The following ANGEL1 variants were observed in gnomAD, a reference collection of about 807,000 sequenced individuals.
ANGEL1 encodes the protein RNA 2',3'-cyclic phosphatase ANGEL1.
ANGEL1 carries 62 observed loss-of-function variants against 76.4 expected under a neutral mutation model. That is an observed-to-expected ratio of 0.81 (90% CI 0.66 to 1.00). The LOEUF (loss-of-function observed/expected upper bound fraction) is 1.00. Ranked by LOEUF, ANGEL1 falls within the 50% of genes least tolerant of loss-of-function variation. The pLI is 0.00. For synonymous variants in ANGEL1, 340 were observed against 331.7 expected (o/e 1.03, Z -0.27); for missense variants, 737 against 836.7 (o/e 0.88, Z 1.47).
chr14:76,792,300 C>T (rs1240558032), intron 7 of ANGEL1, among the ~76,000 whole-genome samples: 3 of 152,116 alleles, frequency 2.0e-5, no homozygotes, highest in African/African-American at 7.2e-5. Context: ...GGCTCAATGG[C>T]TTCACTGGTG....
At chr14:76,797,372 G>A (rs771162732) in intron 7 of ANGEL1, among the ~76,000 whole-genome samples, 2 of 152,160 alleles carry the variant, frequency 1.3e-5, no homozygotes, top group African/African-American at 2.4e-5. Flanking sequence ...GGCCGAAGCC[G>A]GGGGATCACT....
At chr14:76,794,947 AC>A (rs1364545589) in intron 7 of ANGEL1, among the ~76,000 whole-genome samples, 1 of 151,942 alleles carries the variant, frequency 6.6e-6, no homozygotes, top group Non-Finnish European at 1.5e-5. Flanking sequence ...GTAATAATTT[AC>A]CCCCTCCTTT....
At chr14:76,801,757 C>A (rs1028069350) in intron 7 of ANGEL1, among the ~76,000 whole-genome samples, 1 of 152,066 alleles carries the variant, frequency 6.6e-6, no homozygotes, top group Non-Finnish European at 1.5e-5. Flanking sequence ...TATTCCACTT[C>A]TTTTCTGAGC....
intron 1 of ANGEL1, among the ~76,000 whole-genome samples, chr14:76,811,533 G>T (rs1270860065): frequency 2.3e-5 from 3 of 129,446 alleles, no homozygotes; most frequent in Admixed American, 8.1e-5. Flanking sequence ...GGGCGGGGGG[G>T]GCCCTCCTCT....
rs1023164373 is a variant in ANGEL1 at position 76,804,274 on chromosome 14, A to T, written c.1381-362T>A. On this transcript the variant is annotated intron_variant, in intron 5 of 9. Coordinates refer to ENST00000251089, the MANE Select transcript of ANGEL1 (RefSeq NM_015305.4). The stretch of plus-strand genomic sequence containing the variant: ...TTTAAGTTGCAATGGTTAAAGGTTT[A>T]TCCTCATCTTTGGATCTTCTGGATC... 6 of 1,286,306 alleles carry T rather than the reference A, an allele frequency of 4.7e-6. No individual in the cohort carries two copies. In the African/African-American group the frequency reaches 9.1e-5, roughly 20 times the overall value. The allele number at this position is 1,286,306 out of a possible 1,614,324, so 79.7% of individuals were successfully genotyped here. A position where few individuals can be genotyped will look rare whatever the true frequency, so the allele number is the denominator to read the frequency against.
Position 76,812,859 on chromosome 14 carries a change from A to G in ANGEL1, c.-32T>C, listed in dbSNP as rs1227492225. The G allele has an allele frequency of 1.5e-5, 22 of 1,491,526 alleles. No individual in the cohort carries two copies. The highest frequency in any genetic ancestry group is 2.0e-5 in the Non-Finnish European group (22 of 1,123,006). 92.4% of individuals were successfully genotyped at this position (1,491,526 alleles called of 1,614,324 possible). On this transcript the variant is annotated 5_prime_UTR_variant, in exon 1 of 10. Transcript: ENST00000251089. ...CCGCCCGCGCCCGCCTCCGCTCCTC[A>G]CTGCAGCCAGCAGGTCCTCCCTCAG...
intron 7 of ANGEL1, among the ~76,000 whole-genome samples, chr14:76,798,989 A>C (rs1324148939): frequency 6.6e-6 from 1 of 151,840 alleles, no homozygotes; most frequent in Non-Finnish European, 1.5e-5. Context: ...AAATAGTAAG[A>C]ATCACAATGT....
At chr14:76,805,365 T>A (rs1894888160) in intron 5 of ANGEL1, among the ~76,000 whole-genome samples, 1 of 152,252 alleles carries the variant, frequency 6.6e-6, no homozygotes. Context: ...GTAAATTCTT[T>A]TCCTCGTTCC....
At chr14:76,800,841 C>T (rs1304632712) in intron 7 of ANGEL1, among the ~76,000 whole-genome samples, 3 of 152,052 alleles carry the variant, frequency 2.0e-5, no homozygotes, top group Non-Finnish European at 2.9e-5. Context: ...TGCATGCTGG[C>T]GCATGCCCAG....
chr14:76,793,433 G>T (rs1218511080), intron 7 of ANGEL1, among the ~76,000 whole-genome samples: 14 of 99,640 alleles, frequency 1.4e-4, no homozygotes, highest in Non-Finnish European at 2.4e-4. Context: ...AGGGGAGGAG[G>T]AGGAGGAGGG....
chr14:76,798,406 T>C (rs567092824), intron 7 of ANGEL1, among the ~76,000 whole-genome samples: 24 of 152,060 alleles, frequency 1.6e-4, no homozygotes, highest in African/African-American at 5.5e-4. Context: ...GGATTACAGG[T>C]GTGAACCACT....
At chr14:76,802,204 A>G (rs1382251693) in intron 7 of ANGEL1, among the ~76,000 whole-genome samples, 1 of 152,054 alleles carries the variant, frequency 6.6e-6, no homozygotes, top group Non-Finnish European at 1.5e-5. Flanking sequence ...AAATAAAGAC[A>G]ATTTCTTTAT....
chr14:76,803,981 G>A, intron 5 of ANGEL1, 69 bp from the exon 6 acceptor site: 1 of 1,613,604 alleles, frequency 6.2e-7, no homozygotes, highest in Non-Finnish European at 8.5e-7. Flanking sequence ...CCCATGTTTT[G>A]GGACATGTGG....
At chr14:76,803,226 C>T in intron 7 of ANGEL1, 145 bp downstream of exon 7, 1 of 686,476 alleles carries the variant, frequency 1.5e-6, no homozygotes, top group Non-Finnish European at 2.4e-6. Flanking sequence ...CCACTGAACT[C>T]AACTAACCTT....
rs146391168 is a variant in ANGEL1 at position 76,807,828 on chromosome 14, G to C, written c.876+94C>G. 3.2e-4 allele frequency: 447 copies of C among 1,376,416 alleles called. 1 individual carries two copies. The African/African-American group carries it at 6.0e-3, about 18-fold the overall frequency. 85.3% of individuals were successfully genotyped at this position (1,376,416 alleles called of 1,614,324 possible). The stretch of plus-strand genomic sequence containing the variant: ...GCCCTAGATAGGACTCCAATCATTT[G>C]AACAACTATGGGTTGAACTCATCTT... On this transcript the variant is annotated intron_variant, in intron 3 of 9. Coordinates refer to ENST00000251089, the MANE Select transcript of ANGEL1 (RefSeq NM_015305.4).
chr14:76,811,142 T>C (rs1315692665), intron 1 of ANGEL1, among the ~76,000 whole-genome samples: 2 of 152,212 alleles, frequency 1.3e-5, no homozygotes, highest in Non-Finnish European at 1.5e-5. Flanking sequence ...TACTGGCATC[T>C]AGTGGTTAGA....
intron 9 of ANGEL1, among the ~76,000 whole-genome samples, chr14:76,790,374 G>C (rs1267011983): frequency 2.6e-5 from 4 of 152,104 alleles, no homozygotes; most frequent in African/African-American, 9.7e-5. Flanking sequence ...TCTAAAATGG[G>C]GATTGGGAGT....
chr14:76,797,741 G>A (rs950160956), intron 7 of ANGEL1, among the ~76,000 whole-genome samples: 1 of 152,172 alleles, frequency 6.6e-6, no homozygotes, highest in Non-Finnish European at 1.5e-5. Context: ...TACAAAAATC[G>A]CCCATTAGCA....
rs1232113226 is a variant in ANGEL1, at chr14:76,804,867, G to A, written c.1381-955C>T. On this transcript the variant is annotated intron_variant, in intron 5 of 9. Transcript: ENST00000251089. ...TCTACTAAACATACAAAAATCAGCC[G>A]AGCATGGTGGCACACACCTGTAATC... Among the ~76,000 whole-genome samples, 7 of 152,022 alleles carry A rather than the reference G, an allele frequency of 4.6e-5. No individual in the cohort carries two copies. The East Asian group carries it at 7.7e-4, about 17-fold the overall frequency.
Sources: allele counts gnomAD v4.1 joint callset (sites outside exome capture counted in the v4.1 genomes callset), GRCh38; gene constraint gnomAD v4.1.1; transcripts MANE v1.5; gene names NCBI Gene and HGNC (gene_info 2026-07-23, HGNC 2026-07-21).